Variants in PIWIL3 observed in about 807,000 individuals in gnomAD.
The protein encoded by PIWIL3 is piwi-like protein 3.
Under a neutral mutation model 109.7 loss-of-function variants are expected in PIWIL3, and 101 were observed. The ratio of observed to expected loss-of-function variants is 0.92; its 90% CI spans 0.78 to 1.09. The LOEUF is 1.09. PIWIL3 is among the 50% of genes least tolerant of loss of function. The pLI is 0.00. For synonymous variants in PIWIL3, 373 were observed against 376.4 expected, an observed-to-expected ratio of 0.99 and a Z score of 0.10; for missense variants, 1,031 against 1,072.6, an observed-to-expected ratio of 0.96 and a Z score of 0.54.
intron 12 of PIWIL3, among the ~76,000 whole-genome samples, chr22:24,744,198 A>AC (rs1283670501): frequency 6.7e-6 from 1 of 148,392 alleles, no homozygotes; most frequent in Non-Finnish European, 1.5e-5. Context: ...AAAAAAAAAA[A>AC]AAAAAAAAAC....
chr22:24,773,038 G>A (rs536188734), intron 1 of PIWIL3, among the ~76,000 whole-genome samples: 3 of 152,242 alleles, frequency 2.0e-5, no homozygotes, highest in African/African-American at 7.2e-5. Context: ...GTCCAGCTGA[G>A]GGCACTGACC....
At chr22:24,772,414 G>A (rs915717181) in intron 1 of PIWIL3, among the ~76,000 whole-genome samples, 1 of 152,172 alleles carries the variant, frequency 6.6e-6, no homozygotes, top group African/African-American at 2.4e-5. Flanking sequence ...AGCCTGTCCA[G>A]GTATGTGCTG....
At chr22:24,746,354 T>C (rs1256171675) in intron 12 of PIWIL3, among the ~76,000 whole-genome samples, 1 of 152,206 alleles carries the variant, frequency 6.6e-6, no homozygotes, top group Non-Finnish European at 1.5e-5. Flanking sequence ...GAGCAGCATT[T>C]ATTAAAATTC....
chr22:24,722,546 C>T (rs1922734669), intron 19 of PIWIL3, among the ~76,000 whole-genome samples: 1 of 152,054 alleles, frequency 6.6e-6, no homozygotes, highest in East Asian at 2.0e-4. Flanking sequence ...AACCCCGTCT[C>T]TACTAAAAAT....
chr22:24,741,334 G>A (rs1405192135), intron 12 of PIWIL3, among the ~76,000 whole-genome samples: 1 of 152,120 alleles, frequency 6.6e-6, no homozygotes, highest in Non-Finnish European at 1.5e-5. Context: ...CTAACATGGT[G>A]AAACCCTGTC....
chr22:24,733,075 C>T (rs1923447183), intron 14 of PIWIL3, among the ~76,000 whole-genome samples: 1 of 152,164 alleles, frequency 6.6e-6, no homozygotes. Context: ...AAAATGCAGA[C>T]ATTACATTTC....
intron 12 of PIWIL3, among the ~76,000 whole-genome samples, chr22:24,738,637 A>G (rs1232248922): frequency 1.3e-5 from 2 of 152,252 alleles, no homozygotes; most frequent in Admixed American, 1.3e-4. Flanking sequence ...TGATATCACC[A>G]TGAATCTGTG....
chr22:24,719,687 T>G (rs1922544019), intron 20 of PIWIL3, 61 bp downstream of exon 20: 2 of 1,560,592 alleles, frequency 1.3e-6, no homozygotes, highest in Non-Finnish European at 1.8e-6. Flanking sequence ...GGTCCAACAT[T>G]GTTCAATGTT....
intron 1 of PIWIL3, among the ~76,000 whole-genome samples, chr22:24,767,373 TAAAAAAAATAAA>T (rs1441042907): frequency 6.6e-6 from 1 of 150,382 alleles, no homozygotes; most frequent in Non-Finnish European, 1.5e-5. Context: ...CCGTCTCTAC[TAAAAAAAATAAA>T]TAAATAAATA....
At chr22:24,723,027 C>A in intron 19 of PIWIL3, 103 bp downstream of exon 19, 2 of 1,285,310 alleles carry the variant, frequency 1.6e-6, no homozygotes, top group East Asian at 4.7e-5. Flanking sequence ...TCTAAAGAAT[C>A]AGCAGTGCTT....
chr22:24,731,157 TTAC>T (rs1436167790), intron 14 of PIWIL3, among the ~76,000 whole-genome samples: 1 of 152,146 alleles, frequency 6.6e-6, no homozygotes, highest in Non-Finnish European at 1.5e-5. Flanking sequence ...TAAACAGGTT[TTAC>T]TGGCGGTCTG....
Position 24,735,809 on chromosome 22 carries a change from G to A in PIWIL3, c.1533C>T (p.Leu511=). 6.2e-7 allele frequency: 1 copy of A among 1,613,724 alleles called. No homozygotes were observed. Among genetic ancestry groups the A allele is most frequent in the Middle Eastern group, 1.7e-4 (1 of 6,060 alleles). ...LLNAMPLHSW[L]ILYSRSSHRE... Reference sequence around the variant, plus strand: ...TGTGACTGCTCCTGCTATAGAGTATGAGCCAACTATGTAGTGGCATTGCAT... The same window carrying A: ...TGTGACTGCTCCTGCTATAGAGTATAAGCCAACTATGTAGTGGCATTGCAT... Residue 511 remains leucine (L), a synonymous_variant, in exon 13 of 21, where the codon CTC becomes CTT. Coordinates refer to ENST00000616349, the MANE Select transcript of PIWIL3 (RefSeq NM_001255975.1).
intron 12 of PIWIL3, among the ~76,000 whole-genome samples, chr22:24,737,139 C>T (rs1923702120): frequency 6.6e-6 from 1 of 152,184 alleles, no homozygotes; most frequent in African/African-American, 2.4e-5. Context: ...ATCATCCCTC[C>T]CCCAACTCAA....
chr22:24,755,661 A>ACT (rs1386374646), intron 6 of PIWIL3, 123 bp downstream of exon 6: 5 of 1,256,102 alleles, frequency 4.0e-6, no homozygotes, highest in Non-Finnish European at 5.6e-6. Context: ...AAGACCCTTC[A>ACT]CTCTCTTAAT....
At position 24,765,920 on chromosome 22, in the gene PIWIL3, GTTAGT is replaced by G. The variant is rs562767799; in HGVS notation, c.-22-3404_-22-3400del. Among the ~76,000 whole-genome samples the G allele has an allele frequency of 3.3e-3, 504 of 151,836 alleles. 4 individuals are homozygous for G. Among genetic ancestry groups the G allele is most frequent in the African/African-American group, 0.011 (475 of 41,430 alleles). On this transcript the variant is annotated intron_variant, in intron 1 of 20. Coordinates refer to ENST00000616349, the MANE Select transcript of PIWIL3 (RefSeq NM_001255975.1). ...TATAATTATTAGTTTTAGAGGCATT[GTTAGT>G]TTAGTGTGTGTGCAGAGTCCATTTC...
intron 1 of PIWIL3, among the ~76,000 whole-genome samples, chr22:24,770,206 T>G (rs1047847437): frequency 3.3e-5 from 5 of 152,162 alleles, no homozygotes; most frequent in African/African-American, 7.2e-5. Flanking sequence ...GTCACACAGC[T>G]AGCAAGTATT....
At chr22:24,741,198 A>G (rs148808244) in intron 12 of PIWIL3, among the ~76,000 whole-genome samples, 41 of 152,346 alleles carry the variant, frequency 2.7e-4, no homozygotes, top group Admixed American at 1.5e-3. Flanking sequence ...AGCATTTGAT[A>G]AAATCCAGCA....
chr22:24,747,199 A>G (rs184283277), intron 12 of PIWIL3, among the ~76,000 whole-genome samples: 281 of 152,316 alleles, frequency 1.8e-3, no homozygotes, highest in African/African-American at 6.4e-3. Flanking sequence ...CTCATTTTTG[A>G]CAAAGGAACC....
At chr22:24,744,178 TAAAAAAAAA>T (rs1188611412) in intron 12 of PIWIL3, among the ~76,000 whole-genome samples, 1 of 34,318 alleles carries the variant, frequency 2.9e-5, no homozygotes, top group African/African-American at 9.5e-5. Flanking sequence ...GTGACCGAAT[TAAAAAAAAA>T]AAAAAAAAAA....
Sources: allele counts gnomAD v4.1 joint callset (sites outside exome capture counted in the v4.1 genomes callset), GRCh38; gene constraint gnomAD v4.1.1; transcripts MANE v1.5; gene names NCBI Gene and HGNC (gene_info 2026-07-23, HGNC 2026-07-21).